The following MET variants were observed in gnomAD, a reference collection of about 807,000 sequenced individuals.
MET encodes MET proto-oncogene, receptor tyrosine kinase.
MET carries 48 observed loss-of-function variants against 133.1 expected under a neutral mutation model. The observed-to-expected ratio is 0.36, with a 90% CI of 0.29 to 0.46. MET has a LOEUF of 0.46. Among genes scored for constraint, MET ranks in the 20% least tolerant of loss-of-function variants. MET has a pLI of 1.00. For synonymous variants in MET, 628 were observed against 616.5 expected (o/e 1.02, Z -0.28); for missense variants, 1,442 against 1,695.9 (o/e 0.85, Z 2.63).
chr7:116,769,783 A>C lies in MET; in HGVS notation c.2722A>C (p.Asn908His). 1 of 1,613,748 alleles carries C rather than the reference A, an allele frequency of 6.2e-7. No homozygotes were observed. The highest frequency in any genetic ancestry group is 8.5e-7 in the Non-Finnish European group (1 of 1,179,758). Residue 908 changes from asparagine to histidine, a missense_variant, in exon 12 of 21, where the codon AAT becomes CAT. Transcript: ENST00000397752. ...CCTGCTGAAATTGAACAGCGAGCTA[A>C]ATATAGAGGTGGGATTCCTGCATTC... is the stretch of plus-strand genomic sequence containing the variant. ...NDLLKLNSEL[N>H]IEWKQAISST...
chr7:116,748,044 G>C (rs1793761996), intron 5 of MET, among the ~76,000 whole-genome samples: 1 of 152,178 alleles, frequency 6.6e-6, no homozygotes, highest in African/African-American at 2.4e-5. Context: ...AGGAGATCCA[G>C]ACATCCTGAC....
intron 2 of MET, among the ~76,000 whole-genome samples, chr7:116,718,146 T>A (rs982785757): frequency 1.3e-5 from 2 of 152,132 alleles, no homozygotes; most frequent in African/African-American, 4.8e-5. Context: ...CCCAGCACTT[T>A]GGGAAGCCGA....
chr7:116,763,679 T>A (rs1794497640), intron 11 of MET, among the ~76,000 whole-genome samples: 1 of 152,238 alleles, frequency 6.6e-6, no homozygotes, highest in Non-Finnish European at 1.5e-5. Flanking sequence ...TGGAATTTTG[T>A]ATCTGGGTAT....
intron 5 of MET, 108 bp downstream of exon 5, chr7:116,741,133 GA>G: frequency 1.6e-6 from 2 of 1,272,392 alleles, no homozygotes; most frequent in South Asian, 1.4e-5. Context: ...TCCCACTAAT[GA>G]AAAAAATTTA....
chr7:116,679,376 A>T (rs1369933377), intron 1 of MET, among the ~76,000 whole-genome samples: 1 of 152,256 alleles, frequency 6.6e-6, no homozygotes, highest in Non-Finnish European at 1.5e-5. Context: ...CATTTATTGA[A>T]ATTCATTTTG....
chr7:116,771,154 G>C (rs984060325), intron 12 of MET, among the ~76,000 whole-genome samples: 1 of 152,128 alleles, frequency 6.6e-6, no homozygotes, highest in Admixed American at 6.6e-5. Flanking sequence ...TTACTGTTTA[G>C]TCATACTTCT....
At chr7:116,781,490 A>T (rs1037393215) in intron 17 of MET, among the ~76,000 whole-genome samples, 4 of 152,212 alleles carry the variant, frequency 2.6e-5, no homozygotes, top group Non-Finnish European at 5.9e-5. Flanking sequence ...ATTTATGAAA[A>T]CAATTAGCCT....
At chr7:116,744,007 C>T (rs914156447) in intron 5 of MET, among the ~76,000 whole-genome samples, 5 of 152,054 alleles carry the variant, frequency 3.3e-5, no homozygotes, top group Admixed American at 6.5e-5. Flanking sequence ...ACAAAAAGAA[C>T]GTCCACACAA....
At chr7:116,774,584 T>C (rs985847645) in intron 14 of MET, among the ~76,000 whole-genome samples, 11 of 152,206 alleles carry the variant, frequency 7.2e-5, no homozygotes, top group African/African-American at 2.4e-4. Flanking sequence ...TACCACTGCT[T>C]CCATTCTTAA....
rs778736289 is a variant in MET at position 116,795,851 on chromosome 7, AG to A, written c.3936-33del. On this transcript the variant is annotated intron_variant, in intron 20 of 20. Transcript: ENST00000397752. ...CTTTTACAGAAATGCCTGCCTTCAAAGGGTCTCTTACAGCATGTCTTTCTTT... is the reference window on the plus strand; with the variant it reads ...CTTTTACAGAAATGCCTGCCTTCAAAGGTCTCTTACAGCATGTCTTTCTTT... The A allele has an allele frequency of 7.4e-6, 12 of 1,614,202 alleles. No homozygotes were observed. In the East Asian group the frequency reaches 1.8e-4, roughly 24 times the overall value.
At chr7:116,749,424 ACT>A (rs1482344585) in intron 5 of MET, among the ~76,000 whole-genome samples, 4 of 152,082 alleles carry the variant, frequency 2.6e-5, no homozygotes, top group Non-Finnish European at 2.9e-5. Context: ...CGTGCTAAAA[ACT>A]CTCAACAAAC....
chr7:116,764,029 AT>A (rs1158744600), intron 11 of MET, among the ~76,000 whole-genome samples: 1 of 152,090 alleles, frequency 6.6e-6, no homozygotes, highest in Admixed American at 6.6e-5. Context: ...AACATTTAGA[AT>A]TTTTTTTCCT....
At chr7:116,756,183 G>T (rs534417009) in intron 6 of MET, among the ~76,000 whole-genome samples, 2 of 152,250 alleles carry the variant, frequency 1.3e-5, no homozygotes, top group South Asian at 4.2e-4. Flanking sequence ...GCTCAGCTCT[G>T]ATCATCTTCT....
intron 5 of MET, among the ~76,000 whole-genome samples, chr7:116,755,036 GAAA>G (rs1794121735): frequency 6.6e-6 from 1 of 151,356 alleles, no homozygotes; most frequent in East Asian, 1.9e-4. Context: ...AAGAAAGAAA[GAAA>G]GAAAAGAAAG....
At chr7:116,745,734 A>G (rs1463107773) in intron 5 of MET, among the ~76,000 whole-genome samples, 3 of 152,248 alleles carry the variant, frequency 2.0e-5, no homozygotes, top group Non-Finnish European at 4.4e-5. Context: ...CATATGGAGA[A>G]AGCTGAAACT....
At position 116,757,629 on chromosome 7, in the gene MET, C is replaced by T. The variant is rs750268644; in HGVS notation, c.1966-9C>T. 1.9e-6 allele frequency: 3 copies of T among 1,613,874 alleles called. No homozygotes were observed. The highest frequency in any genetic ancestry group is 1.7e-5 in the Admixed American group (1 of 59,984). On this transcript the variant is annotated splice_polypyrimidine_tract_variant and intron_variant, in intron 7 of 20. Transcript: ENST00000397752. The stretch of plus-strand genomic sequence containing the variant: ...AAGTTACTTTGTTTTGTTTTTATCT[C>T]CCCTCCAGGATCCTGTAATAACAAG...
Position 116,759,404 on chromosome 7 carries a change from A to G in MET, c.2278A>G (p.Ile760Val), listed in dbSNP as rs786202191. 1.2e-5 allele frequency: 19 copies of G among 1,613,706 alleles called. No individual in the cohort carries two copies. The highest frequency in any genetic ancestry group is 1.6e-4 in the Middle Eastern group (1 of 6,062). ...TTGCTTTGCCAGTGGTGGGAGCACAATAACAGGTGTTGGGAAAAACCTGAA... is the reference window on the plus strand; with the variant it reads ...TTGCTTTGCCAGTGGTGGGAGCACAGTAACAGGTGTTGGGAAAAACCTGAA... ...TKSFISGGSTITGVGKNLNSV... is the reference protein window; with the variant it reads ...TKSFISGGSTVTGVGKNLNSV... Residue 760 changes from isoleucine (I) to valine (V), a missense_variant, in exon 10 of 21, where the codon ATA becomes GTA. Transcript: ENST00000397752.
chr7:116,789,721 T>C (rs968122219), intron 19 of MET, among the ~76,000 whole-genome samples: 5 of 152,234 alleles, frequency 3.3e-5, no homozygotes, highest in Non-Finnish European at 7.3e-5. Context: ...GAGCCATCCA[T>C]GTTGTCGTAT....
chr7:116,777,025 A>G (rs368406490), intron 15 of MET, among the ~76,000 whole-genome samples: 1 of 152,170 alleles, frequency 6.6e-6, no homozygotes, highest in Non-Finnish European at 1.5e-5. Context: ...ATATTTTAAA[A>G]TACTATGTCA....
Sources: gnomAD v4.1 joint callset for allele counts (sites outside exome capture counted in the v4.1 genomes callset) on GRCh38, gnomAD v4.1.1 for gene constraint, MANE v1.5 for transcripts, NCBI Gene and HGNC (gene_info 2026-07-23, HGNC 2026-07-21) for gene names.